The following LRP1B variants were observed in gnomAD, a reference collection of about 807,000 sequenced individuals.
The protein encoded by LRP1B is LDL receptor related protein 1B, also known as low-density lipoprotein receptor-related protein 1B.
LRP1B carries 217 observed loss-of-function variants against 556.6 expected under a neutral mutation model. The ratio of observed to expected loss-of-function variants is 0.39; its 90% CI spans 0.35 to 0.44. The LOEUF (loss-of-function observed/expected upper bound fraction) is 0.44, where lower values mean the gene tolerates loss of function less well. Among genes scored for constraint, LRP1B ranks in the 20% least tolerant of loss-of-function variants. The pLI is 1.00. For synonymous variants in LRP1B, 2,047 were observed against 1,865.8 expected (o/e 1.10, Z -2.50); for missense variants, 5,053 against 5,620.8 (o/e 0.90, Z 3.23).
intron 66 of LRP1B, among the ~76,000 whole-genome samples, chr2:140,389,448 T>G (rs1683911864): frequency 6.6e-6 from 1 of 151,522 alleles, no homozygotes; most frequent in African/African-American, 2.4e-5. Flanking sequence ...TTTAAGAAGG[T>G]AATAAAATAT....
At chr2:140,834,789 A>G (rs150151433) in intron 31 of LRP1B, among the ~76,000 whole-genome samples, 377 of 152,346 alleles carry the variant, frequency 2.5e-3, no homozygotes, top group African/African-American at 8.5e-3. Flanking sequence ...TTTATTAAAT[A>G]TAAACTAAAT....
At chr2:140,900,027 CT>C (rs1344765547) in intron 23 of LRP1B, among the ~76,000 whole-genome samples, 1 of 152,000 alleles carries the variant, frequency 6.6e-6, no homozygotes, top group Non-Finnish European at 1.5e-5. Context: ...ATGATTTTCT[CT>C]TGTTAACTGG....
chr2:140,319,311 T>G (rs1449358275), intron 82 of LRP1B, among the ~76,000 whole-genome samples: 2 of 152,084 alleles, frequency 1.3e-5, no homozygotes, highest in East Asian at 3.9e-4. Context: ...CTTGGTAGCA[T>G]TATTAGTTTA....
chr2:140,613,356 A>AATATATATATAT (rs1315532134), intron 41 of LRP1B, among the ~76,000 whole-genome samples: 29 of 126,526 alleles, frequency 2.3e-4, no homozygotes, highest in Admixed American at 6.4e-4. Context: ...AATATAAATA[A>AATATATATATAT]TTATATAAAT....
chr2:140,369,107 C>A (rs1034615458), intron 71 of LRP1B, among the ~76,000 whole-genome samples: 4 of 151,716 alleles, frequency 2.6e-5, no homozygotes, highest in African/African-American at 9.7e-5. Context: ...GGCTAGGATA[C>A]AAATCATAAA....
chr2:141,199,431 T>C (rs1339668468), intron 6 of LRP1B, among the ~76,000 whole-genome samples: 1 of 152,124 alleles, frequency 6.6e-6, no homozygotes, highest in East Asian at 1.9e-4. Context: ...CCCCAAAATA[T>C]TGCTCCTTTA....
intron 7 of LRP1B, among the ~76,000 whole-genome samples, chr2:141,110,036 A>G (rs143817302): frequency 2.2e-4 from 34 of 152,282 alleles, no homozygotes; most frequent in Middle Eastern, 3.4e-3. Context: ...AACTACTTAC[A>G]TGAAAATAAA....
rs183437906 is a variant in LRP1B at position 141,268,704 on chromosome 2, C to T, written c.344-14063G>A. Among the ~76,000 whole-genome samples the T allele has an allele frequency of 6.1e-4, 93 of 152,180 alleles. No individual in the cohort carries two copies. The South Asian group carries it at 7.1e-3, about 12-fold the overall frequency. ...TTGGTTGAAATGGGAAGTTACACCT[C>T]CTAGATTTTCTCTTTTAACATTTGC... On this transcript the variant is annotated intron_variant, in intron 3 of 90. Transcript: ENST00000389484.
chr2:141,587,105 T>C (rs1217749327), intron 2 of LRP1B, among the ~76,000 whole-genome samples: 2 of 152,006 alleles, frequency 1.3e-5, no homozygotes, highest in Non-Finnish European at 2.9e-5. Flanking sequence ...AAAAAAGTAA[T>C]GAGAAATTTA....
intron 21 of LRP1B, among the ~76,000 whole-genome samples, chr2:140,916,206 A>G (rs1694574577): frequency 6.6e-6 from 1 of 152,162 alleles, no homozygotes; most frequent in Admixed American, 6.6e-5. Context: ...TTCCAGAAAG[A>G]AAAAAAGGGA....
chr2:140,870,582 CCCTT>C (rs1693097927), intron 25 of LRP1B, among the ~76,000 whole-genome samples: 2 of 152,060 alleles, frequency 1.3e-5, no homozygotes, highest in African/African-American at 4.8e-5. Flanking sequence ...GTGAAAAATT[CCCTT>C]TGCTCTTACA....
chr2:140,667,025 A>AT (rs1334526411), intron 41 of LRP1B, among the ~76,000 whole-genome samples: 36 of 152,300 alleles, frequency 2.4e-4, no homozygotes, highest in African/African-American at 8.4e-4. Flanking sequence ...CTCAGCAGAA[A>AT]TTTGGCTTCT....
chr2:140,902,589 G>A (rs924790998), intron 23 of LRP1B, among the ~76,000 whole-genome samples: 1 of 152,170 alleles, frequency 6.6e-6, no homozygotes, highest in African/African-American at 2.4e-5. Context: ...AATTGGGAAT[G>A]TGGGGCAGGA....
chr2:141,217,926 C>A (rs1682882779), intron 6 of LRP1B, among the ~76,000 whole-genome samples: 1 of 151,976 alleles, frequency 6.6e-6, no homozygotes, highest in African/African-American at 2.4e-5. Context: ...GAGCAAAGGA[C>A]ATGAACAGAC....
chr2:141,995,208 C>T (rs148965740), intron 1 of LRP1B, among the ~76,000 whole-genome samples: 15 of 152,272 alleles, frequency 9.9e-5, no homozygotes, highest in Non-Finnish European at 2.1e-4. Flanking sequence ...AAGTCTGACA[C>T]AAGTCTCGGT....
chr2:140,532,572 T>C (rs150605967), intron 47 of LRP1B, among the ~76,000 whole-genome samples: 8,323 of 151,990 alleles, frequency 0.055, 406 homozygotes, highest in African/African-American at 0.13. Flanking sequence ...AATTTTTGTA[T>C]TTTTAGTCGA....
chr2:141,791,531 C>T (rs1187733829), intron 2 of LRP1B, among the ~76,000 whole-genome samples: 3 of 151,996 alleles, frequency 2.0e-5, no homozygotes, highest in Non-Finnish European at 4.4e-5. Flanking sequence ...ATTAACCAAA[C>T]AATTAGAGAT....
intron 32 of LRP1B, among the ~76,000 whole-genome samples, chr2:140,799,748 T>C (rs749805410): frequency 6.6e-6 from 1 of 152,156 alleles, no homozygotes; most frequent in Non-Finnish European, 1.5e-5. Context: ...CTAAACATCA[T>C]GGATTAAAAA....
chr2:140,928,669 A>G (rs985255893), intron 20 of LRP1B, among the ~76,000 whole-genome samples: 2 of 152,160 alleles, frequency 1.3e-5, no homozygotes, highest in Non-Finnish European at 2.9e-5. Context: ...AGAAAAGAGA[A>G]TAACTAGAAA....
Sources: allele counts gnomAD v4.1 joint callset (sites outside exome capture counted in the v4.1 genomes callset), GRCh38; gene constraint gnomAD v4.1.1; transcripts MANE v1.5; gene names NCBI Gene and HGNC (gene_info 2026-07-23, HGNC 2026-07-21).